SLC45A1: variants seen among roughly 807,000 people sequenced by gnomAD.
The protein encoded by SLC45A1 is proton-associated sugar transporter A.
A neutral mutation model predicts 57.6 loss-of-function variants in SLC45A1; 28 were observed. That is an observed-to-expected ratio of 0.49 (90% CI 0.36 to 0.67). The LOEUF is 0.67. Ranked by LOEUF, SLC45A1 falls within the 30% of genes least tolerant of loss-of-function variation. The probability of loss-of-function intolerance (pLI) is 0.00; values close to 1 mark genes in which losing one functional copy is unlikely to be tolerated. For synonymous variants in SLC45A1, 459 were observed against 471.5 expected (o/e 0.97, Z 0.34); for missense variants, 814 against 1,041.5 (o/e 0.78, Z 3.01).
In SLC45A1 at chr1:8,325,925, G is replaced by A. The variant is rs763629291; in HGVS notation, c.598G>A (p.Val200Met). ...KWGLLLTVCGVVLMDFSADSA... is the reference protein window; with the variant it reads ...KWGLLLTVCGMVLMDFSADSA... The stretch of plus-strand genomic sequence containing the variant: ...GGGCCTGCTGCTGACCGTGTGCGGT[G>A]TGGTGCTGATGGACTTTAGCGCCGA... Residue 200 changes from valine (V) to methionine (M), a missense_variant, in exon 4 of 9, where the codon GTG (valine) becomes ATG (methionine). Physicochemically the swap from Val to Met is conservative, Grantham distance 21. Coordinates refer to ENST00000471889, the MANE Select transcript of SLC45A1 (RefSeq NM_001080397.3). The surrounding 1 kb of genome is among the most constrained non-coding windows in gnomAD (Gnocchi z 6.3). 11 of 1,614,042 alleles carry A rather than the reference G, an allele frequency of 6.8e-6. No homozygotes were observed. Among genetic ancestry groups the A allele is most frequent in the Non-Finnish European group, 5.1e-6 (6 of 1,180,048 alleles).
intron 2 of SLC45A1, 64 bp downstream of exon 2, chr1:8,324,790 T>C (rs531489290): frequency 2.7e-4 from 382 of 1,436,898 alleles, no homozygotes; most frequent in Non-Finnish European, 3.4e-4. Context: ...CTCATCGCAG[T>C]AGCCTGAGGG....
rs745662766 is a variant in SLC45A1 at position 8,325,387 on chromosome 1, A to G, written c.487A>G (p.Ile163Val). 26 of 1,602,956 alleles carry G rather than the reference A, an allele frequency of 1.6e-5. No individual in the cohort carries two copies. Among genetic ancestry groups the G allele is most frequent in the Non-Finnish European group, 2.2e-5 (26 of 1,170,496 alleles). ...RRRPFILVLA[I>V]GALLGLSLLL... ...ACGCCCTTTCATTCTTGTCCTGGCT[A>G]TAGGTCTGTTGTTTTGGCATGGAAA... Residue 163 changes from isoleucine (I) to valine (V), a missense_variant, in exon 3 of 9, where the codon ATA becomes GTA. Coordinates refer to ENST00000471889, the MANE Select transcript of SLC45A1 (RefSeq NM_001080397.3). The surrounding 1 kb of genome is among the most constrained non-coding windows in gnomAD (Gnocchi z 6.3).
rs1569944962 is a variant in SLC45A1, at chr1:8,330,066, T to G, written c.716-143T>G. ...CCGCCCTGGGAATCCTGTCCCATTT[T>G]GTTGGGGTTTAGGTGGAACAGGTTC... On this transcript the variant is annotated intron_variant, in intron 4 of 8. Transcript: ENST00000471889. This position sits in a 1 kb window ranked among gnomAD's most constrained non-coding sequence, Gnocchi z 8.4. 7.7e-6 allele frequency: 8 copies of G among 1,036,972 alleles called. No homozygotes were observed. In the East Asian group the frequency reaches 1.9e-4, roughly 25 times the overall value. The allele number at this position is 1,036,972 out of a possible 1,614,324, so 64.2% of individuals were successfully genotyped here.
rs761551720 is a variant in SLC45A1 at position 8,326,055 on chromosome 1, A to G, written c.715+13A>G. The G allele has an allele frequency of 6.3e-7, 1 of 1,595,544 alleles. No individual in the cohort carries two copies. Among genetic ancestry groups the G allele is most frequent in the Non-Finnish European group, 8.5e-7 (1 of 1,176,428 alleles). ...GCCCTCCTGGCAGGTGAGTCTCCGC[A>G]GCAGGGCCGAAGCTGAATCTGCCGG... is the stretch of plus-strand genomic sequence containing the variant. On this transcript the variant is annotated intron_variant, in intron 4 of 8. Coordinates refer to ENST00000471889, the MANE Select transcript of SLC45A1 (RefSeq NM_001080397.3). This position sits in a 1 kb window ranked among gnomAD's most constrained non-coding sequence, Gnocchi z 5.5.
rs989259373 is a variant in SLC45A1 at position 8,326,936 on chromosome 1, C to A, written c.715+894C>A. On this transcript the variant is annotated intron_variant, in intron 4 of 8. Coordinates refer to ENST00000471889, the MANE Select transcript of SLC45A1 (RefSeq NM_001080397.3). This position sits in a 1 kb window ranked among gnomAD's most constrained non-coding sequence, Gnocchi z 5.5. ...CGGAGGTTGCAGTGAACTGAGATCG[C>A]ACTATTGCACTCCAGCCTGGGCAAC... Among the ~76,000 whole-genome samples the A allele has an allele frequency of 6.6e-6, 1 of 152,198 alleles. No individual in the cohort carries two copies. Among genetic ancestry groups the A allele is most frequent in the Non-Finnish European group, 1.5e-5 (1 of 68,030 alleles).
Position 8,328,495 on chromosome 1 carries a change from G to T in SLC45A1, c.716-1714G>T, listed in dbSNP as rs764027452. ...AGAAGGACGTCGGTTTTTACCTTAC[G>T]CCCGTCTATGAGAATGCACCACTTT... On this transcript the variant is annotated intron_variant, in intron 4 of 8. Coordinates refer to ENST00000471889, the MANE Select transcript of SLC45A1 (RefSeq NM_001080397.3). This position sits in a 1 kb window ranked among gnomAD's most constrained non-coding sequence, Gnocchi z 4.6. Among the ~76,000 whole-genome samples the T allele has an allele frequency of 1.3e-5, 2 of 152,168 alleles. No homozygotes were observed. The highest frequency in any genetic ancestry group is 4.8e-5 in the African/African-American group (2 of 41,434).
Position 8,325,277 on chromosome 1 carries a change from C to A in SLC45A1, c.398-21C>A. ...GTGCCATGGGGACCCTGGCAATGAC[C>A]GCTGGCCTGCTCTGTTTCAGGATTC... On this transcript the variant is annotated intron_variant, in intron 2 of 8. Transcript: ENST00000471889. This position sits in a 1 kb window ranked among gnomAD's most constrained non-coding sequence, Gnocchi z 6.3. 2 of 1,579,270 alleles carry A rather than the reference C, an allele frequency of 1.3e-6. No individual in the cohort carries two copies. Among genetic ancestry groups the A allele is most frequent in the Non-Finnish European group, 1.7e-6 (2 of 1,148,770 alleles).
At chr1:8,337,709 C>T (rs370433192) in intron 6 of SLC45A1, 107 bp from the exon 7 acceptor site, 55 of 1,096,034 alleles carry the variant, frequency 5.0e-5, no homozygotes, top group South Asian at 7.8e-5. Context: ...TGAGCCACCA[C>T]GCCCAGCTGC....
At position 8,330,864 on chromosome 1, in the gene SLC45A1, G is replaced by T; in HGVS notation, c.1371G>T (p.Leu457Phe). 1 of 1,611,306 alleles carries T rather than the reference G, an allele frequency of 6.2e-7. No homozygotes were observed. The highest frequency in any genetic ancestry group is 8.5e-7 in the Non-Finnish European group (1 of 1,178,362). Residue 457 changes from leucine to phenylalanine, a missense_variant, in exon 5 of 9, where the codon TTG (leucine) becomes TTT (phenylalanine). By Grantham distance (22) the Leu-to-Phe change is conservative (BLOSUM62 0). Coordinates refer to ENST00000471889, the MANE Select transcript of SLC45A1 (RefSeq NM_001080397.3). The surrounding 1 kb of genome is among the most constrained non-coding windows in gnomAD (Gnocchi z 8.4). ...GGATTCTGAAGAGACCTCAGACCTTGGCCATCCCGGACGCAGCCGGAGGAG... is the reference window on the plus strand; with the variant it reads ...GGATTCTGAAGAGACCTCAGACCTTTGCCATCCCGGACGCAGCCGGAGGAG... ...SSGILKRPQT[L>F]AIPDAAGGGG...
rs747131762 is a variant in SLC45A1, at chr1:8,335,053, G to A, written c.1444-384G>A. The stretch of plus-strand genomic sequence containing the variant: ...CCTGGTGGCCACCTTGAAATAAGTC[G>A]TTCCCAGTCTTCTTTTACAAAAAAG... On this transcript the variant is annotated intron_variant, in intron 5 of 8. Coordinates refer to ENST00000471889, the MANE Select transcript of SLC45A1 (RefSeq NM_001080397.3). This position sits in a 1 kb window ranked among gnomAD's most constrained non-coding sequence, Gnocchi z 4.1. Among the ~76,000 whole-genome samples the A allele has an allele frequency of 1.6e-4, 25 of 152,276 alleles. No individual in the cohort carries two copies. Among genetic ancestry groups the A allele is most frequent in the South Asian group, 6.2e-4 (3 of 4,822 alleles).
At chr1:8,331,881 C>T (rs1041619484) in intron 5 of SLC45A1, among the ~76,000 whole-genome samples, 4 of 152,078 alleles carry the variant, frequency 2.6e-5, no homozygotes, top group Admixed American at 1.3e-4. Context: ...CAAGCTCTGC[C>T]TCCCGGGTTC....
In SLC45A1 at chr1:8,330,952, G is replaced by A. The variant is rs201632307; in HGVS notation, c.1443+16G>A. 2.1e-4 allele frequency: 325 copies of A among 1,564,634 alleles called. 1 individual carries two copies. In the African/African-American group the frequency reaches 3.7e-3, roughly 18 times the overall value. On this transcript the variant is annotated intron_variant, in intron 5 of 8. Coordinates refer to ENST00000471889, the MANE Select transcript of SLC45A1 (RefSeq NM_001080397.3). The surrounding 1 kb of genome is among the most constrained non-coding windows in gnomAD (Gnocchi z 8.4). ...CAGTCAGCAGGTAACAGCAAATGTC[G>A]GGGGAGCTGAGGCTCAGAGGGTGGC...
At position 8,343,661 on chromosome 1, in the gene SLC45A1, C is replaced by A; in HGVS notation, c.1981-86C>A. ...GCCGCTGTGTGTGGGCCGCTCGGGC[C>A]TCCTGGGCTCGCAGGACACACCGAG... is the stretch of plus-strand genomic sequence containing the variant. On this transcript the variant is annotated intron_variant, in intron 8 of 8. Coordinates refer to ENST00000471889, the MANE Select transcript of SLC45A1 (RefSeq NM_001080397.3). This position sits in a 1 kb window ranked among gnomAD's most constrained non-coding sequence, Gnocchi z 7.7. The A allele has an allele frequency of 6.7e-7, 1 of 1,500,352 alleles. No individual in the cohort carries two copies. Among genetic ancestry groups the A allele is most frequent in the Non-Finnish European group, 9.0e-7 (1 of 1,111,920 alleles). 92.9% of individuals were successfully genotyped at this position (1,500,352 alleles called of 1,614,324 possible). A position where few individuals can be genotyped will look rare whatever the true frequency, so the allele number is the denominator to read the frequency against.
intron 1 of SLC45A1, among the ~76,000 whole-genome samples, chr1:8,320,309 T>C (rs1639962478): frequency 6.6e-6 from 1 of 152,076 alleles, no homozygotes; most frequent in African/African-American, 2.4e-5. Context: ...GTCTACATAG[T>C]CCACTTTAAA....
chr1:8,343,660 C>A lies in SLC45A1; in HGVS notation c.1981-87C>A. 1.3e-6 allele frequency: 2 copies of A among 1,482,758 alleles called. No homozygotes were observed. The highest frequency in any genetic ancestry group is 1.8e-6 in the Non-Finnish European group (2 of 1,097,460). 91.9% of individuals were successfully genotyped at this position (1,482,758 alleles called of 1,614,324 possible). A position where few individuals can be genotyped will look rare whatever the true frequency, so the allele number is the denominator to read the frequency against. On this transcript the variant is annotated intron_variant, in intron 8 of 8. Transcript: ENST00000471889. The surrounding 1 kb of genome is among the most constrained non-coding windows in gnomAD (Gnocchi z 7.7). ...GGCCGCTGTGTGTGGGCCGCTCGGG[C>A]CTCCTGGGCTCGCAGGACACACCGA...
Position 8,330,246 on chromosome 1 carries a change from C to G in SLC45A1, c.753C>G (p.Ile251Met). 6.2e-7 allele frequency: 1 copy of G among 1,613,982 alleles called. No individual in the cohort carries two copies. The highest frequency in any genetic ancestry group is 8.5e-7 in the Non-Finnish European group (1 of 1,180,000). Residue 251 changes from isoleucine (I) to methionine (M), a missense_variant, in exon 5 of 9, where the codon ATC becomes ATG. Ile to Met is a conservative substitution (Grantham distance 10). Transcript: ENST00000471889. The surrounding 1 kb of genome is among the most constrained non-coding windows in gnomAD (Gnocchi z 8.4). ...GGGFGYVVGG[I>M]HWDKTGFGRA... Reference sequence around the variant, plus strand: ...GCTTTGGATACGTGGTCGGCGGAATCCACTGGGATAAAACGGGCTTCGGGA... The same window carrying G: ...GCTTTGGATACGTGGTCGGCGGAATGCACTGGGATAAAACGGGCTTCGGGA...
In SLC45A1 at chr1:8,337,847, CTACA is replaced by C; in HGVS notation, c.1630_1633del (p.Tyr544GlnfsTer29). ...TCTCATTCGAGGGGATGTTGCTCTT[CTACA>C]CAGACTTCATGGGCGAGGTGGTGTT... On this transcript the variant is annotated frameshift_variant, in exon 7 of 9. Coordinates refer to ENST00000471889, the MANE Select transcript of SLC45A1 (RefSeq NM_001080397.3). LOFTEE classifies it high-confidence loss of function. 6.2e-7 allele frequency: 1 copy of C among 1,614,216 alleles called. No individual in the cohort carries two copies. The highest frequency in any genetic ancestry group is 8.5e-7 in the Non-Finnish European group (1 of 1,180,026).
Position 8,335,729 on chromosome 1 carries a change from A to G in SLC45A1, c.1597+139A>G. 1 of 996,798 alleles carries G rather than the reference A, an allele frequency of 1.0e-6. No homozygotes were observed. The highest frequency in any genetic ancestry group is 1.4e-6 in the Non-Finnish European group (1 of 710,652). 61.7% of individuals were successfully genotyped at this position (996,798 alleles called of 1,614,324 possible). A position where few individuals can be genotyped will look rare whatever the true frequency, so the allele number is the denominator to read the frequency against. On this transcript the variant is annotated intron_variant, in intron 6 of 8. Coordinates refer to ENST00000471889, the MANE Select transcript of SLC45A1 (RefSeq NM_001080397.3). The surrounding 1 kb of genome is among the most constrained non-coding windows in gnomAD (Gnocchi z 4.1). ...AGCCCCCAACAACAGCACCAAGGGC[A>G]GGCCTGGGGTGTGGTGGCTGCCCTG... is the stretch of plus-strand genomic sequence containing the variant.
intron 1 of SLC45A1, among the ~76,000 whole-genome samples, chr1:8,321,873 T>C (rs1206290399): frequency 7.1e-6 from 1 of 140,590 alleles, no homozygotes; most frequent in East Asian, 2.2e-4. Context: ...GAAGAGTGGC[T>C]GGTGGATGAA....
Sources: gnomAD v4.1 joint callset for allele counts (sites outside exome capture counted in the v4.1 genomes callset) on GRCh38, gnomAD v4.1.1 for gene constraint, Gnocchi (gnomAD v3.1) non-coding constraint, MANE v1.5 for transcripts, NCBI Gene and HGNC (gene_info 2026-07-23, HGNC 2026-07-21) for gene names.